The following TBX4 variants were observed in gnomAD, a reference collection of about 807,000 sequenced individuals.
TBX4 encodes T-box transcription factor TBX4.
TBX4 carries 13 observed loss-of-function variants against 54.6 expected under a neutral mutation model. That is an observed-to-expected ratio of 0.24 (90% CI 0.15 to 0.38). The LOEUF is 0.38. TBX4 is among the 10% of genes least tolerant of loss of function. TBX4 has a pLI of 1.00. For synonymous variants in TBX4, 314 were observed against 306.7 expected (o/e 1.02, Z -0.25); for missense variants, 631 against 728.5 (o/e 0.87, Z 1.54).
chr17:61,467,448 C>T lies in TBX4; in HGVS notation c.402-62C>T, dbSNP rs556419530. On this transcript the variant is annotated intron_variant, in intron 4 of 8. Coordinates refer to ENST00000644296, the MANE Select transcript of TBX4 (RefSeq NM_001321120.2). The stretch of plus-strand genomic sequence containing the variant: ...AATGGGGGTTTGCTCCAAGAGGGGA[C>T]GGGGAATCTGGCCTCACCAGCCCCT... 2.0e-4 allele frequency: 327 copies of T among 1,606,494 alleles called. 1 individual carries two copies. In the Admixed American group the frequency reaches 4.4e-3, roughly 21 times the overall value.
rs1453141728 is a variant in TBX4 at position 61,462,249 on chromosome 17, A to T, written c.282-3570A>T. On this transcript the variant is annotated intron_variant, in intron 3 of 8. Transcript: ENST00000644296. The surrounding 1 kb of genome is among the most constrained non-coding windows in gnomAD (Gnocchi z 4.5). ...TCCGCACCCTTTCAGAGCCTGTTTC[A>T]TGATCAGAGGAGAAGCCCCGGGCTT... 2.0e-5 allele frequency among the ~76,000 whole-genome samples: 3 copies of T among 152,034 alleles called. No individual in the cohort carries two copies. The highest frequency in any genetic ancestry group is 6.5e-5 in the Admixed American group (1 of 15,268).
chr17:61,467,722 C>G, intron 5 of TBX4, 65 bp downstream of exon 5: 2 of 1,600,588 alleles, frequency 1.2e-6, no homozygotes, highest in Non-Finnish European at 1.7e-6. Context: ...TGGGACAGGC[C>G]AGGATGGGGA....
Position 61,483,388 on chromosome 17 carries a change from A to G in TBX4, c.1513A>G (p.Lys505Glu). 6.2e-7 allele frequency: 1 copy of G among 1,611,250 alleles called. No homozygotes were observed. The highest frequency in any genetic ancestry group is 1.1e-5 in the South Asian group (1 of 90,874). The change falls in exon 9 of 9, where the codon AAG becomes GAG. Residue 505 changes from lysine (K) to glutamate (E), a missense_variant. Lys to Glu is a moderately conservative substitution (Grantham distance 56). Transcript: ENST00000644296. The surrounding 1 kb of genome is among the most constrained non-coding windows in gnomAD (Gnocchi z 6.6). ...CGGCCTCCCCCAAGGGTGTGAGAGG[A>G]AGCCACCCTCGCCACATCTAAATGC... Reference protein sequence around the residue: ...ERGLPQGCERKPPSPHLNAAN... With the variant: ...ERGLPQGCEREPPSPHLNAAN...
At chr17:61,468,538 G>A (rs749405063) in intron 5 of TBX4, among the ~76,000 whole-genome samples, 10 of 152,250 alleles carry the variant, frequency 6.6e-5, no homozygotes, top group Non-Finnish European at 1.2e-4. Flanking sequence ...CCGCTTTTAC[G>A]TCCCAGCTCT....
rs1333179088 is a variant in TBX4 at position 61,457,733 on chromosome 17, G to A, written c.281+102G>A. 6.1e-6 allele frequency: 7 copies of A among 1,149,914 alleles called. No individual in the cohort carries two copies. The African/African-American group carries it at 7.6e-5, about 13-fold the overall frequency. The allele number at this position is 1,149,914 out of a possible 1,614,324, so 71.2% of individuals were successfully genotyped here. A position where few individuals can be genotyped will look rare whatever the true frequency, so the allele number is the denominator to read the frequency against. ...TCGGCCCCGGCCTGGTGGCCTGTGG[G>A]AGGCCTCTCTGCCTCCTCGGGCGTC... is the stretch of plus-strand genomic sequence containing the variant. On this transcript the variant is annotated intron_variant, in intron 3 of 8. Transcript: ENST00000644296. The surrounding 1 kb of genome is among the most constrained non-coding windows in gnomAD (Gnocchi z 8.2).
chr17:61,470,952 C>T lies in TBX4; in HGVS notation c.549+3295C>T, dbSNP rs904165746. ...GGCCTCACTGGGGCATAGGCGGGAC[C>T]TGTATCCTGTAGCACGATGAGGAAA... On this transcript the variant is annotated intron_variant, in intron 5 of 8. Coordinates refer to ENST00000644296, the MANE Select transcript of TBX4 (RefSeq NM_001321120.2). Among the ~76,000 whole-genome samples, 12 of 152,336 alleles carry T rather than the reference C, an allele frequency of 7.9e-5. No homozygotes were observed. In the South Asian group the frequency reaches 1.9e-3, roughly 24 times the overall value.
chr17:61,460,975 G>A lies in TBX4; in HGVS notation c.281+3344G>A, dbSNP rs1321340092. Reference sequence around the variant, plus strand: ...GCAAGGATTTGGCCCGGCTTAATCCGGGGCTTCAAAGCCAATTGCCCTCAC... The same window carrying A: ...GCAAGGATTTGGCCCGGCTTAATCCAGGGCTTCAAAGCCAATTGCCCTCAC... On this transcript the variant is annotated intron_variant, in intron 3 of 8. Coordinates refer to ENST00000644296, the MANE Select transcript of TBX4 (RefSeq NM_001321120.2). This position sits in a 1 kb window ranked among gnomAD's most constrained non-coding sequence, Gnocchi z 4.4. Among the ~76,000 whole-genome samples, 1 of 152,184 alleles carries A rather than the reference G, an allele frequency of 6.6e-6. No homozygotes were observed. The highest frequency in any genetic ancestry group is 1.5e-5 in the Non-Finnish European group (1 of 68,032).
At position 61,481,538 on chromosome 17, in the gene TBX4, G is replaced by C. The variant is rs1295598937; in HGVS notation, c.1021+1219G>C. 1.3e-5 allele frequency: 2 copies of C among 152,748 alleles called. No individual in the cohort carries two copies. Among genetic ancestry groups the C allele is most frequent in the African/African-American group, 4.8e-5 (2 of 41,472 alleles). 9.5% of individuals were successfully genotyped at this position (152,748 alleles called of 1,614,324 possible). A position where few individuals can be genotyped will look rare whatever the true frequency, so the allele number is the denominator to read the frequency against. On this transcript the variant is annotated intron_variant, in intron 8 of 8. Coordinates refer to ENST00000644296, the MANE Select transcript of TBX4 (RefSeq NM_001321120.2). The surrounding 1 kb of genome is among the most constrained non-coding windows in gnomAD (Gnocchi z 4.8). The stretch of plus-strand genomic sequence containing the variant: ...GAGAGAAGACGGAGAATCGGGCTGA[G>C]TGAGGGGCAAAGGAGAGAGCTGGGC...
intron 5 of TBX4, among the ~76,000 whole-genome samples, chr17:61,468,406 G>GC (rs765504128): frequency 3.3e-5 from 5 of 152,234 alleles, no homozygotes; most frequent in Admixed American, 6.5e-5. Context: ...GGTACTATCT[G>GC]CCAGGGCACA....
Position 61,476,656 on chromosome 17 carries a change from C to T in TBX4, c.550-1971C>T, listed in dbSNP as rs190344950. ...CTCTGCATTCCTCACCTGGCAGGCC[C>T]CCAGTCGGGCAGCAGGTCCCCAGCT... On this transcript the variant is annotated intron_variant, in intron 5 of 8. Transcript: ENST00000644296. The surrounding 1 kb of genome is among the most constrained non-coding windows in gnomAD (Gnocchi z 6.5). Among the ~76,000 whole-genome samples the T allele has an allele frequency of 3.9e-4, 60 of 152,344 alleles. 1 individual carries two copies. The East Asian group carries it at 7.1e-3, about 18-fold the overall frequency.
chr17:61,466,171 G>A (rs916712360), intron 4 of TBX4, among the ~76,000 whole-genome samples: 1 of 152,206 alleles, frequency 6.6e-6, no homozygotes, highest in Non-Finnish European at 1.5e-5. Flanking sequence ...GTGTTTGGGA[G>A]TTTGGTGGAT....
At chr17:61,482,773 G>A in intron 8 of TBX4, 124 bp from the exon 9 acceptor site, 1 of 1,419,150 alleles carries the variant, frequency 7.0e-7, no homozygotes, top group South Asian at 1.2e-5. Flanking sequence ...CTCTGGGAGT[G>A]CCATGGCAAC....
At chr17:61,466,063 T>A (rs950171234) in intron 4 of TBX4, 125 bp downstream of exon 4, 1 of 1,477,658 alleles carries the variant, frequency 6.8e-7, no homozygotes, top group Non-Finnish European at 9.4e-7. Flanking sequence ...CAGGCTGGAG[T>A]CCACTGCCTG....
At chr17:61,454,242 A>C (rs570316169) in intron 1 of TBX4, among the ~76,000 whole-genome samples, 73 of 152,400 alleles carry the variant, frequency 4.8e-4, no homozygotes, top group African/African-American at 1.6e-3. Flanking sequence ...AAAATATTTT[A>C]AAAAGCACGA....
rs1055982900 is a variant in TBX4 at position 61,465,498 on chromosome 17, A to T, written c.282-321A>T. 2.0e-5 allele frequency among the ~76,000 whole-genome samples: 3 copies of T among 152,234 alleles called. No homozygotes were observed. The highest frequency in any genetic ancestry group is 4.8e-5 in the African/African-American group (2 of 41,466). On this transcript the variant is annotated intron_variant, in intron 3 of 8. Transcript: ENST00000644296. The surrounding 1 kb of genome is among the most constrained non-coding windows in gnomAD (Gnocchi z 4.9). ...ATCCTGACTGGGGTCTCTGTGCTTC[A>T]GCTGCTCATGGGCACTAGCCCCAAG...
In TBX4 at chr17:61,475,718, G is replaced by A. The variant is rs542821197; in HGVS notation, c.550-2909G>A. ...CAGGTGTCACAGGAGCAGGGTGGCT[G>A]CTGCCATGTGTCCTAGTGTCCTGCA... On this transcript the variant is annotated intron_variant, in intron 5 of 8. Transcript: ENST00000644296. The surrounding 1 kb of genome is among the most constrained non-coding windows in gnomAD (Gnocchi z 5.0). Among the ~76,000 whole-genome samples, 5 of 152,280 alleles carry A rather than the reference G, an allele frequency of 3.3e-5. No homozygotes were observed. The East Asian group carries it at 9.7e-4, about 29-fold the overall frequency.
intron 1 of TBX4, 57 bp downstream of exon 1, chr17:61,452,634 A>C (rs2060422718): frequency 1.3e-5 from 2 of 152,450 alleles, no homozygotes; most frequent in African/African-American, 4.8e-5. Context: ...CTGGGGCCAC[A>C]GGGGCTCAGG....
Position 61,484,352 on chromosome 17 carries a change from G to A in TBX4, c.*836G>A, listed in dbSNP as rs1243076934. 1 of 152,038 alleles carries A rather than the reference G, an allele frequency of 6.6e-6. No homozygotes were observed. The highest frequency in any genetic ancestry group is 1.5e-5 in the Non-Finnish European group (1 of 68,016). 9.4% of individuals were successfully genotyped at this position (152,038 alleles called of 1,614,324 possible). On this transcript the variant is annotated 3_prime_UTR_variant, in exon 9 of 9. Transcript: ENST00000644296. The surrounding 1 kb of genome is among the most constrained non-coding windows in gnomAD (Gnocchi z 4.1). ...ATACAGTCTCTCACTCTGGTGTGTG[G>A]AGAGTCAGCCTCCCAGGCACCATAC...
intron 5 of TBX4, among the ~76,000 whole-genome samples, chr17:61,467,915 G>A (rs2060547743): frequency 6.6e-6 from 1 of 152,210 alleles, no homozygotes; most frequent in South Asian, 2.1e-4. Context: ...CTAGAAAATG[G>A]AGATGACCAC....
Sources: allele counts gnomAD v4.1 joint callset (sites outside exome capture counted in the v4.1 genomes callset), GRCh38; gene constraint gnomAD v4.1.1; non-coding constraint Gnocchi (gnomAD v3.1); transcripts MANE v1.5; gene names NCBI Gene and HGNC (gene_info 2026-07-23, HGNC 2026-07-21).